GABRG3: variants seen among roughly 807,000 people sequenced by gnomAD.
GABRG3 encodes the protein gamma-aminobutyric acid type A receptor subunit gamma3, also known as gamma-aminobutyric acid receptor subunit gamma-3.
A neutral mutation model predicts 48.8 loss-of-function variants in GABRG3; 25 were observed. That is an observed-to-expected ratio of 0.51 (90% CI 0.37 to 0.72). GABRG3 has a LOEUF of 0.72. Among genes scored for constraint, GABRG3 ranks in the 30% least tolerant of loss-of-function variants. The pLI is 0.00. For synonymous variants in GABRG3, 227 were observed against 217.6 expected, an observed-to-expected ratio of 1.04 and a Z score of -0.38; for missense variants, 394 against 577.9, an observed-to-expected ratio of 0.68 and a Z score of 3.26.
chr15:27,235,423 C>T (rs1889929146), intron 3 of GABRG3, among the ~76,000 whole-genome samples: 1 of 152,300 alleles, frequency 6.6e-6, no homozygotes, highest in African/African-American at 2.4e-5. Context: ...ATCATTTGCT[C>T]CACATGGCTC....
At chr15:27,437,746 T>G (rs1256748627) in intron 5 of GABRG3, among the ~76,000 whole-genome samples, 2 of 152,226 alleles carry the variant, frequency 1.3e-5, no homozygotes, top group Admixed American at 1.3e-4. Context: ...GTGATTTATT[T>G]TTTAAGAAGG....
chr15:27,461,389 T>C (rs1478868081), intron 5 of GABRG3, among the ~76,000 whole-genome samples: 4 of 152,330 alleles, frequency 2.6e-5, no homozygotes, highest in South Asian at 2.1e-4. Flanking sequence ...GTGTCCAGAA[T>C]TGGTTCCTTC....
intron 3 of GABRG3, among the ~76,000 whole-genome samples, chr15:27,058,016 C>G (rs539755075): frequency 9.8e-5 from 15 of 152,286 alleles, no homozygotes; most frequent in Middle Eastern, 3.4e-3. Flanking sequence ...CACAGTGAAT[C>G]TGCCGACAGT....
At chr15:27,360,366 C>T (rs1291705176) in intron 5 of GABRG3, among the ~76,000 whole-genome samples, 2 of 152,138 alleles carry the variant, frequency 1.3e-5, no homozygotes, top group Non-Finnish European at 2.9e-5. Context: ...TGGAGATCTC[C>T]TGGGCAAAGA....
At chr15:27,281,777 TA>T (rs1391076142) in intron 3 of GABRG3, among the ~76,000 whole-genome samples, 7 of 152,072 alleles carry the variant, frequency 4.6e-5, no homozygotes, top group East Asian at 1.9e-4. Flanking sequence ...TTAATAAATA[TA>T]TTTTTTAAAA....
intron 6 of GABRG3, among the ~76,000 whole-genome samples, chr15:27,488,003 G>A (rs34111854): frequency 0.057 from 8,636 of 152,170 alleles, 332 homozygotes; most frequent in East Asian, 0.15. Flanking sequence ...CTGTAGCCTC[G>A]AGATAGCTGT....
At chr15:27,006,781 T>C (rs561922860) in intron 2 of GABRG3, among the ~76,000 whole-genome samples, 3 of 152,298 alleles carry the variant, frequency 2.0e-5, no homozygotes, top group African/African-American at 7.2e-5. Flanking sequence ...CCTGCATTAG[T>C]TCACTTAGGA....
At chr15:27,287,951 A>G (rs889333157) in intron 3 of GABRG3, among the ~76,000 whole-genome samples, 4 of 152,116 alleles carry the variant, frequency 2.6e-5, no homozygotes, top group Non-Finnish European at 5.9e-5. Context: ...ATTAGCCAGG[A>G]TGGTCTTGAT....
chr15:27,210,089 C>T (rs1208654850), intron 3 of GABRG3, among the ~76,000 whole-genome samples: 1 of 152,168 alleles, frequency 6.6e-6, no homozygotes, highest in Non-Finnish European at 1.5e-5. Flanking sequence ...TGGGGGGACA[C>T]AGTTTGGACC....
chr15:27,266,306 T>G (rs1465210408), intron 3 of GABRG3, among the ~76,000 whole-genome samples: 1 of 152,014 alleles, frequency 6.6e-6, no homozygotes, highest in Non-Finnish European at 1.5e-5. Context: ...CTTATGGATA[T>G]CCCATCTTTC....
At chr15:27,073,110 A>G (rs1896855202) in intron 3 of GABRG3, among the ~76,000 whole-genome samples, 1 of 152,214 alleles carries the variant, frequency 6.6e-6, no homozygotes, top group Non-Finnish European at 1.5e-5. Context: ...CCAGGGATTG[A>G]GGACTCCCAG....
intron 3 of GABRG3, among the ~76,000 whole-genome samples, chr15:27,313,405 C>T (rs542000571): frequency 6.8e-6 from 1 of 147,494 alleles, no homozygotes; most frequent in Non-Finnish European, 1.5e-5. Flanking sequence ...ACTTCAGCAC[C>T]CCACTTTCAA....
At chr15:27,227,880 A>G (rs1017718266) in intron 3 of GABRG3, among the ~76,000 whole-genome samples, 1 of 152,206 alleles carries the variant, frequency 6.6e-6, no homozygotes, top group Non-Finnish European at 1.5e-5. Context: ...ATCTTGATAC[A>G]TCACATGAAA....
rs532301644 is a variant in GABRG3 at position 27,267,022 on chromosome 15, T to G, written c.271-59787T>G. ...TGTGTTATTACATTGGCTAGAACCT[T>G]CAATATAAAAGTTTAACAGATGGAG... On this transcript the variant is annotated intron_variant, in intron 3 of 9. Coordinates refer to ENST00000615808, the MANE Select transcript of GABRG3 (RefSeq NM_033223.5). 3.3e-5 allele frequency among the ~76,000 whole-genome samples: 5 copies of G among 152,190 alleles called. No homozygotes were observed. The East Asian group carries it at 9.6e-4, about 29-fold the overall frequency.
chr15:27,509,489 G>A (rs1890846338), intron 6 of GABRG3, among the ~76,000 whole-genome samples: 1 of 152,002 alleles, frequency 6.6e-6, no homozygotes, highest in African/African-American at 2.4e-5. Context: ...TAGACAGTTT[G>A]TTATTTTTTC....
chr15:27,013,745 G>C (rs995682950), intron 2 of GABRG3, among the ~76,000 whole-genome samples: 4 of 152,058 alleles, frequency 2.6e-5, no homozygotes, highest in Admixed American at 2.6e-4. Context: ...CTTTATACCA[G>C]TATCATGCTG....
chr15:27,306,654 ATATGAACATG>A (rs1233585753), intron 3 of GABRG3, among the ~76,000 whole-genome samples: 15 of 60,838 alleles, frequency 2.5e-4, no homozygotes, highest in African/African-American at 9.8e-4. Flanking sequence ...ATAAACATAT[ATATGAACATG>A]TTTATATATA....
intron 3 of GABRG3, among the ~76,000 whole-genome samples, chr15:27,122,746 C>T (rs150978938): frequency 5.9e-4 from 90 of 152,304 alleles, no homozygotes; most frequent in African/African-American, 1.9e-3. Flanking sequence ...TGCCTTGGTA[C>T]GACTTTAGCT....
At chr15:27,035,737 G>A (rs1417505443) in intron 3 of GABRG3, among the ~76,000 whole-genome samples, 2 of 152,220 alleles carry the variant, frequency 1.3e-5, no homozygotes, top group Admixed American at 1.3e-4. Flanking sequence ...GGAAGGACAG[G>A]ACGAGGCACT....
Sources: gnomAD v4.1 joint callset for allele counts (sites outside exome capture counted in the v4.1 genomes callset) on GRCh38, gnomAD v4.1.1 for gene constraint, MANE v1.5 for transcripts, NCBI Gene and HGNC (gene_info 2026-07-23, HGNC 2026-07-21) for gene names.